COL23A1: variants seen among roughly 807,000 people sequenced by gnomAD.
COL23A1 encodes collagen type XXIII alpha 1 chain, also known as collagen alpha-1(XXIII) chain.
In COL23A1, 97 loss-of-function variants were observed where a neutral mutation model predicts 99.3. The observed-to-expected ratio is 0.98, with a 90% CI of 0.83 to 1.16. COL23A1 has a LOEUF of 1.16. Among genes scored for constraint, COL23A1 ranks in the 50% most tolerant of loss-of-function variants. COL23A1 has a pLI of 0.00. For synonymous variants in COL23A1, 320 were observed against 308.2 expected (o/e 1.04, Z -0.40); for missense variants, 762 against 757.4 (o/e 1.01, Z -0.07).
At chr5:178,414,423 AG>A (rs1765200510) in intron 2 of COL23A1, among the ~76,000 whole-genome samples, 1 of 143,158 alleles carries the variant, frequency 7.0e-6, no homozygotes, top group Non-Finnish European at 1.5e-5. Context: ...AAAAAAAAAA[AG>A]GACTTGTTTT....
At chr5:178,388,958 C>T (rs1763812933) in intron 2 of COL23A1, among the ~76,000 whole-genome samples, 2 of 152,178 alleles carry the variant, frequency 1.3e-5, no homozygotes, top group African/African-American at 4.8e-5. Context: ...GACTGTGGAA[C>T]CCTTTCCGCA....
rs1273444743 is a variant in COL23A1 at position 178,589,719 on chromosome 5, T to TG, written c.294+184dup. ...CCGGAGCGGAGACCGCAAAACCCCTTGGGGCCGGCACCCCCTGCCTCCGCC... is the reference window on the plus strand; with the variant it reads ...CCGGAGCGGAGACCGCAAAACCCCTTGGGGGCCGGCACCCCCTGCCTCCGCC... On this transcript the variant is annotated intron_variant, in intron 1 of 28. Coordinates refer to ENST00000390654, the MANE Select transcript of COL23A1 (RefSeq NM_173465.4). This position sits in a 1 kb window ranked among gnomAD's most constrained non-coding sequence, Gnocchi z 5.4. 6.6e-6 allele frequency among the ~76,000 whole-genome samples: 1 copy of TG among 151,420 alleles called. No individual in the cohort carries two copies. The highest frequency in any genetic ancestry group is 2.4e-5 in the African/African-American group (1 of 41,088).
intron 20 of COL23A1, 107 bp from the exon 21 acceptor site, chr5:178,247,938 C>T (rs1275569156): frequency 4.9e-6 from 5 of 1,012,864 alleles, no homozygotes; most frequent in African/African-American, 1.6e-5. Context: ...TCCTGCCCCC[C>T]AGAGGGCAGA....
intron 2 of COL23A1, among the ~76,000 whole-genome samples, chr5:178,405,495 G>C (rs1159147934): frequency 1.3e-5 from 2 of 152,158 alleles, no homozygotes; most frequent in Admixed American, 6.5e-5. Context: ...TGTGATAAGA[G>C]GGAGAATTGA....
Position 178,306,942 on chromosome 5 carries a change from A to G in COL23A1, c.362-23T>C. ...GCCCTAGACAGGAAAACAAGAATGC[A>G]TTCATTGAGAAGGGAAGCCAGTGGA... On this transcript the variant is annotated intron_variant, in intron 2 of 28. Coordinates refer to ENST00000390654, the MANE Select transcript of COL23A1 (RefSeq NM_173465.4). The surrounding 1 kb of genome is among the most constrained non-coding windows in gnomAD (Gnocchi z 4.1). 1.3e-6 allele frequency: 2 copies of G among 1,491,604 alleles called. No individual in the cohort carries two copies. The highest frequency in any genetic ancestry group is 2.3e-5 in the Admixed American group (1 of 42,872). 92.4% of individuals were successfully genotyped at this position (1,491,604 alleles called of 1,614,324 possible).
intron 2 of COL23A1, among the ~76,000 whole-genome samples, chr5:178,436,471 G>T (rs75526559): frequency 0.023 from 3,481 of 152,212 alleles, 133 homozygotes; most frequent in African/African-American, 0.076. Flanking sequence ...GCAGAGGGTG[G>T]GGTACGTTTC....
In COL23A1 at chr5:178,325,023, T is replaced by C. The variant is rs537944773; in HGVS notation, c.362-18104A>G. On this transcript the variant is annotated intron_variant, in intron 2 of 28. Coordinates refer to ENST00000390654, the MANE Select transcript of COL23A1 (RefSeq NM_173465.4). ...CAAACACCTCGCGAAGCAGCCACTATCACTATTCCCAGCTTTGCAGCTGTG... is the reference window on the plus strand; with the variant it reads ...CAAACACCTCGCGAAGCAGCCACTACCACTATTCCCAGCTTTGCAGCTGTG... Among the ~76,000 whole-genome samples the C allele has an allele frequency of 4.9e-4, 75 of 152,314 alleles. 1 individual carries two copies. Among genetic ancestry groups the C allele is most frequent in the Non-Finnish European group, 8.7e-4 (59 of 68,036 alleles).
At chr5:178,252,728 G>C (rs918348949) in intron 16 of COL23A1, 131 bp from the exon 17 acceptor site, 2 of 703,028 alleles carry the variant, frequency 2.8e-6, no homozygotes, top group East Asian at 5.8e-5. Flanking sequence ...CTTGGGGACT[G>C]CTTCTTCCCC....
intron 5 of COL23A1, among the ~76,000 whole-genome samples, chr5:178,271,321 C>T (rs1049474105): frequency 7.2e-5 from 11 of 152,156 alleles, no homozygotes; most frequent in Non-Finnish European, 1.3e-4. Flanking sequence ...CACTCTTGGC[C>T]GCAGCAACGA....
At chr5:178,252,371 G>C (rs1349737688) in intron 17 of COL23A1, among the ~76,000 whole-genome samples, 173 bp downstream of exon 17, 1 of 151,730 alleles carries the variant, frequency 6.6e-6, no homozygotes, top group African/African-American at 2.4e-5. Flanking sequence ...AGAGTAGATC[G>C]AGCCCAGGAA....
At chr5:178,367,803 C>A (rs564605226) in intron 2 of COL23A1, among the ~76,000 whole-genome samples, 2 of 152,246 alleles carry the variant, frequency 1.3e-5, no homozygotes, top group African/African-American at 4.8e-5. Context: ...CAGGTGGGTG[C>A]GCAGGTACAC....
intron 1 of COL23A1, among the ~76,000 whole-genome samples, chr5:178,565,518 C>T (rs1762798199): frequency 6.6e-6 from 1 of 152,080 alleles, no homozygotes; most frequent in Non-Finnish European, 1.5e-5. Context: ...TTTCCTGACC[C>T]CTTTAAACGT....
At chr5:178,555,108 A>AGTGTCTTCTCCAC (rs144467844) in intron 2 of COL23A1, among the ~76,000 whole-genome samples, 1,853 of 152,236 alleles carry the variant, frequency 0.012, 41 homozygotes, top group African/African-American at 0.042. Context: ...GCTCAGCAAA[A>AGTGTCTTCTCCAC]GTGTCTTCTC....
chr5:178,325,218 C>G (rs1044957090), intron 2 of COL23A1, among the ~76,000 whole-genome samples: 2 of 152,220 alleles, frequency 1.3e-5, no homozygotes, highest in Admixed American at 6.5e-5. Context: ...TCTCTTGCCT[C>G]CTTCCTCTCA....
Position 178,288,362 on chromosome 5 carries a change from A to T in COL23A1, c.415-12T>A. On this transcript the variant is annotated splice_polypyrimidine_tract_variant and intron_variant, in intron 4 of 28. Transcript: ENST00000390654. Reference sequence around the variant, plus strand: ...CGTCCTGATTGCCCCTGTGGTAATTAATATGTCATTAATAATCAGAGTTTC... The same window carrying T: ...CGTCCTGATTGCCCCTGTGGTAATTTATATGTCATTAATAATCAGAGTTTC... The T allele has an allele frequency of 1.9e-6, 3 of 1,610,492 alleles. No individual in the cohort carries two copies. Among genetic ancestry groups the T allele is most frequent in the Non-Finnish European group, 2.5e-6 (3 of 1,176,606 alleles).
At chr5:178,258,084 C>A (rs913284271) in intron 12 of COL23A1, among the ~76,000 whole-genome samples, 1 of 151,810 alleles carries the variant, frequency 6.6e-6, no homozygotes, top group African/African-American at 2.4e-5. Context: ...TCTACAAAAA[C>A]CAGAAAATAA....
At chr5:178,569,345 T>C (rs1024103113) in intron 1 of COL23A1, among the ~76,000 whole-genome samples, 3 of 152,216 alleles carry the variant, frequency 2.0e-5, no homozygotes, top group Non-Finnish European at 2.9e-5. Context: ...CGTAAATTCT[T>C]GATCAGGATT....
chr5:178,590,224 C>G lies in COL23A1; in HGVS notation c.-27G>C. 1 of 1,208,852 alleles carries G rather than the reference C, an allele frequency of 8.3e-7. No individual in the cohort carries two copies. Among genetic ancestry groups the G allele is most frequent in the Non-Finnish European group, 1.0e-6 (1 of 972,968 alleles). The allele number at this position is 1,208,852 out of a possible 1,614,324, so 74.9% of individuals were successfully genotyped here. On this transcript the variant is annotated 5_prime_UTR_variant, in exon 1 of 29. Transcript: ENST00000390654. The surrounding 1 kb of genome is among the most constrained non-coding windows in gnomAD (Gnocchi z 5.7). ...GCGCGTTCGTCGCGCGTGGACTCTC[C>G]GAGGGGGCGGTGCTGCTGGGGCAGA...
At chr5:178,261,579 C>T (rs1325505301) in intron 11 of COL23A1, 143 bp downstream of exon 11, 7 of 652,220 alleles carry the variant, frequency 1.1e-5, no homozygotes, top group African/African-American at 1.8e-5. Flanking sequence ...CAGTAACTTG[C>T]CCATGGTCCA....
Sources: allele counts gnomAD v4.1 joint callset (sites outside exome capture counted in the v4.1 genomes callset), GRCh38; gene constraint gnomAD v4.1.1; non-coding constraint Gnocchi (gnomAD v3.1); transcripts MANE v1.5; gene names NCBI Gene and HGNC (gene_info 2026-07-23, HGNC 2026-07-21).